RUNX1: variants seen among roughly 807,000 people sequenced by gnomAD.
RUNX1 encodes the protein runt-related transcription factor 1.
A neutral mutation model predicts 42.8 loss-of-function variants in RUNX1; 19 were observed. That is an observed-to-expected ratio of 0.44 (90% CI 0.31 to 0.65). The LOEUF (loss-of-function observed/expected upper bound fraction) is 0.65, where lower values mean the gene tolerates loss of function less well. RUNX1 is among the 30% of genes least tolerant of loss of function. The probability of loss-of-function intolerance (pLI) is 0.07; values close to 1 mark genes in which losing one functional copy is unlikely to be tolerated. For missense variants in RUNX1, 528 were observed against 672.0 expected (o/e 0.79, Z 2.37); for synonymous variants, 271 against 289.4 (o/e 0.94, Z 0.64).
chr21:34,904,285 GAGAA>G (rs2058200412), intron 2 of RUNX1, among the ~76,000 whole-genome samples: 1 of 152,108 alleles, frequency 6.6e-6, no homozygotes, highest in Non-Finnish European at 1.5e-5. Context: ...GAAAGGTAGA[GAGAA>G]AGAGTGGAAA....
At chr21:34,932,336 A>C (rs563323762) in intron 2 of RUNX1, among the ~76,000 whole-genome samples, 1 of 152,308 alleles carries the variant, frequency 6.6e-6, no homozygotes, top group African/African-American at 2.4e-5. Context: ...GTTATATTTT[A>C]TACATTCTAA....
chr21:34,870,633 C>A (rs896383027), intron 5 of RUNX1, among the ~76,000 whole-genome samples: 1 of 152,200 alleles, frequency 6.6e-6, no homozygotes, highest in African/African-American at 2.4e-5. Flanking sequence ...GTAAAGTCCA[C>A]GTGCTGACCA....
At chr21:34,835,119 C>A (rs982525735) in intron 6 of RUNX1, among the ~76,000 whole-genome samples, 1 of 152,100 alleles carries the variant, frequency 6.6e-6, no homozygotes, top group East Asian at 1.9e-4. Flanking sequence ...GGAAATGAGG[C>A]GTGGCTGCAA....
At chr21:35,006,539 T>A (rs1343076818) in intron 2 of RUNX1, among the ~76,000 whole-genome samples, 1 of 152,166 alleles carries the variant, frequency 6.6e-6, no homozygotes, top group Non-Finnish European at 1.5e-5. Context: ...TCCATTCTGC[T>A]GGTTGACTTT....
At chr21:34,877,052 T>C (rs779374085) in intron 5 of RUNX1, among the ~76,000 whole-genome samples, 4 of 152,116 alleles carry the variant, frequency 2.6e-5, no homozygotes, top group Non-Finnish European at 5.9e-5. Context: ...GAGATGGCGG[T>C]GTCACCATGT....
chr21:34,891,193 C>T (rs1386890321), intron 3 of RUNX1, among the ~76,000 whole-genome samples: 2 of 152,324 alleles, frequency 1.3e-5, no homozygotes, highest in African/African-American at 2.4e-5. Flanking sequence ...AAGTTGGTCC[C>T]AGCCTTGCAT....
At chr21:34,842,578 G>T (rs1191937303) in intron 6 of RUNX1, among the ~76,000 whole-genome samples, 2 of 151,488 alleles carry the variant, frequency 1.3e-5, no homozygotes, top group Non-Finnish European at 2.9e-5. Flanking sequence ...TAGGTCAAAG[G>T]CTCTTTTGCT....
chr21:34,792,305 GC>G lies in RUNX1; in HGVS notation c.1272del (p.Pro425ArgfsTer169). ...GTGCAGGGCGGCAGGATGCGCGGCGGCGAGCGCTCGCCGCCCACCATGGAGA... is the reference window on the plus strand; with the variant it reads ...GTGCAGGGCGGCAGGATGCGCGGCGGGAGCGCTCGCCGCCCACCATGGAGA... ...YQFSMVGGER[S>X]PPRILPPCTN... On this transcript the variant is annotated frameshift_variant, in exon 9 of 9. Coordinates refer to ENST00000675419, the MANE Select transcript of RUNX1 (RefSeq NM_001754.5). LOFTEE classifies it high-confidence loss of function. The surrounding 1 kb of genome is among the most constrained non-coding windows in gnomAD (Gnocchi z 6.9). 5 of 1,543,016 alleles carry G rather than the reference GC, an allele frequency of 3.2e-6. No homozygotes were observed. The highest frequency in any genetic ancestry group is 2.6e-6 in the Non-Finnish European group (3 of 1,145,928).
rs2056404106 is a variant in RUNX1, at chr21:34,789,080, T to C, written c.*3055A>G. ...CTGATTGTGATTTGCCCAGGAAAGT[T>C]TGCTGGTTTGGACAGCAAGCAGATC... On this transcript the variant is annotated 3_prime_UTR_variant, in exon 9 of 9. Coordinates refer to ENST00000675419, the MANE Select transcript of RUNX1 (RefSeq NM_001754.5). 4.3e-6 allele frequency: 1 copy of C among 233,198 alleles called. No individual in the cohort carries two copies. The highest frequency in any genetic ancestry group is 1.8e-4 in the South Asian group (1 of 5,536). The allele number at this position is 233,198 out of a possible 1,614,324, so 14.4% of individuals were successfully genotyped here.
intron 3 of RUNX1, chr21:34,889,667 C>T (rs1030593610): frequency 2.6e-6 from 3 of 1,144,710 alleles, no homozygotes; most frequent in Middle Eastern, 3.8e-4. Context: ...GCCCCAGGTG[C>T]GGAACCCACC....
intron 2 of RUNX1, among the ~76,000 whole-genome samples, chr21:35,032,468 T>C (rs892272676): frequency 6.6e-6 from 1 of 152,244 alleles, no homozygotes; most frequent in African/African-American, 2.4e-5. Context: ...TGTTCTTTGA[T>C]TGATGTCCTG....
intron 7 of RUNX1, chr21:34,834,130 T>C (rs1311263468): frequency 4.5e-6 from 3 of 662,074 alleles, no homozygotes; most frequent in Non-Finnish European, 5.6e-6. Context: ...CTATCCAATA[T>C]GGATATCCAT....
chr21:34,920,617 G>C (rs1189817945), intron 2 of RUNX1, among the ~76,000 whole-genome samples: 1 of 152,142 alleles, frequency 6.6e-6, no homozygotes, highest in Admixed American at 6.6e-5. Context: ...GAACTTTTCA[G>C]TTCCTTACAT....
chr21:34,793,575 G>C (rs1474178626), intron 8 of RUNX1, among the ~76,000 whole-genome samples: 2 of 152,010 alleles, frequency 1.3e-5, no homozygotes, highest in Admixed American at 1.3e-4. Context: ...TCAAACTTCA[G>C]TGTCCATCCA....
intron 6 of RUNX1, among the ~76,000 whole-genome samples, chr21:34,837,747 C>G (rs554127377): frequency 1.3e-5 from 2 of 152,308 alleles, no homozygotes; most frequent in African/African-American, 4.8e-5. Flanking sequence ...CTCTGAACAC[C>G]TGCATGCTGG....
intron 2 of RUNX1, among the ~76,000 whole-genome samples, chr21:34,899,584 A>G (rs1221759615): frequency 6.6e-6 from 1 of 152,246 alleles, no homozygotes; most frequent in African/African-American, 2.4e-5. Flanking sequence ...GTATGGTAAT[A>G]GAAGTCACCA....
intron 2 of RUNX1, among the ~76,000 whole-genome samples, chr21:34,961,465 T>C (rs1184820714): frequency 6.6e-6 from 1 of 152,154 alleles, no homozygotes; most frequent in African/African-American, 2.4e-5. Flanking sequence ...GAGTGACAAA[T>C]TGTGATATCT....
intron 7 of RUNX1, among the ~76,000 whole-genome samples, chr21:34,807,276 C>T (rs915537183): frequency 6.6e-6 from 1 of 152,140 alleles, no homozygotes; most frequent in Non-Finnish European, 1.5e-5. Flanking sequence ...TCTGACTGTC[C>T]ACTCTAGGGT....
At chr21:35,038,458 CAG>C (rs1371452890) in intron 2 of RUNX1, 2 of 452,172 alleles carry the variant, frequency 4.4e-6, no homozygotes, top group African/African-American at 4.0e-5. Flanking sequence ...TCCTGGTGAG[CAG>C]AGACATGACA....
Sources: gnomAD v4.1 joint callset for allele counts (sites outside exome capture counted in the v4.1 genomes callset) on GRCh38, gnomAD v4.1.1 for gene constraint, Gnocchi (gnomAD v3.1) non-coding constraint, MANE v1.5 for transcripts, NCBI Gene and HGNC (gene_info 2026-07-23, HGNC 2026-07-21) for gene names.